PHACTR3: variants seen among roughly 807,000 people sequenced by gnomAD.
The protein encoded by PHACTR3 is phosphatase and actin regulator 3.
A neutral mutation model predicts 66.8 loss-of-function variants in PHACTR3; 16 were observed. That is an observed-to-expected ratio of 0.24 (90% CI 0.16 to 0.36). The LOEUF is 0.36. PHACTR3 is among the 10% of genes least tolerant of loss of function. The pLI is 1.00. For missense variants in PHACTR3, 647 were observed against 719.9 expected (o/e 0.90, Z 1.16); for synonymous variants, 323 against 292.1 (o/e 1.11, Z -1.08).
At chr20:59,747,159 G>A (rs923134388) in intron 2 of PHACTR3, among the ~76,000 whole-genome samples, 3 of 152,346 alleles carry the variant, frequency 2.0e-5, no homozygotes, top group African/African-American at 7.2e-5. Flanking sequence ...TTCTGAAGGC[G>A]GAATTGACAA....
intron 1 of PHACTR3, chr20:59,627,079 G>A (rs1004638983): frequency 6.6e-6 from 1 of 152,270 alleles, no homozygotes; most frequent in African/African-American, 2.4e-5. Flanking sequence ...AAGCATCAAA[G>A]TGCAGCCAGG....
intron 5 of PHACTR3, among the ~76,000 whole-genome samples, chr20:59,771,698 C>T (rs981726240): frequency 6.6e-6 from 1 of 152,216 alleles, no homozygotes; most frequent in African/African-American, 2.4e-5. Flanking sequence ...TGTCTGTCTC[C>T]ACCAGCTGAC....
chr20:59,660,176 G>A (rs1210119825), intron 1 of PHACTR3, among the ~76,000 whole-genome samples: 4 of 152,138 alleles, frequency 2.6e-5, no homozygotes, highest in Non-Finnish European at 4.4e-5. Context: ...AGGAAGACCT[G>A]TACAAAACAG....
At chr20:59,644,445 C>G (rs766252835) in intron 1 of PHACTR3, among the ~76,000 whole-genome samples, 2 of 152,174 alleles carry the variant, frequency 1.3e-5, no homozygotes, top group Non-Finnish European at 2.9e-5. Context: ...TGGTCCTTGT[C>G]CTCCCTCATT....
intron 1 of PHACTR3, among the ~76,000 whole-genome samples, chr20:59,618,396 C>G (rs1332967422): frequency 1.3e-5 from 2 of 152,180 alleles, no homozygotes; most frequent in African/African-American, 4.8e-5. Context: ...TCCAAGCCGT[C>G]ACTCTGGCTG....
chr20:59,822,741 C>T (rs1054241259), intron 8 of PHACTR3, among the ~76,000 whole-genome samples: 3 of 152,162 alleles, frequency 2.0e-5, no homozygotes, highest in Non-Finnish European at 2.9e-5. Flanking sequence ...GTGGCTCGGG[C>T]CCCGTGCTGG....
intron 1 of PHACTR3, among the ~76,000 whole-genome samples, chr20:59,705,351 T>C (rs1321438306): frequency 2.0e-5 from 3 of 152,222 alleles, no homozygotes; most frequent in African/African-American, 7.2e-5. Flanking sequence ...GTTTTATTTC[T>C]ATGTGTTTAA....
At chr20:59,800,467 T>G (rs1453983198) in intron 7 of PHACTR3, among the ~76,000 whole-genome samples, 1 of 152,236 alleles carries the variant, frequency 6.6e-6, no homozygotes, top group African/African-American at 2.4e-5. Context: ...TTTCATTACT[T>G]TGTAATTGTT....
chr20:59,643,734 T>C (rs529587362), intron 1 of PHACTR3, among the ~76,000 whole-genome samples: 49 of 152,270 alleles, frequency 3.2e-4, no homozygotes, highest in Non-Finnish European at 6.2e-4. Context: ...AGCCCCTCTG[T>C]GTGGAGTGTT....
intron 8 of PHACTR3, among the ~76,000 whole-genome samples, chr20:59,815,471 C>T: frequency 7.0e-6 from 1 of 142,408 alleles, no homozygotes; most frequent in Non-Finnish European, 1.5e-5. Context: ...TGTCTCCAGG[C>T]TGGAGTGCAG....
intron 7 of PHACTR3, among the ~76,000 whole-genome samples, chr20:59,786,502 G>C (rs73305200): frequency 0.034 from 5,134 of 152,292 alleles, 288 homozygotes; most frequent in African/African-American, 0.12. Flanking sequence ...TGGGGGCAGA[G>C]CCATCAAGGA....
intron 3 of PHACTR3, among the ~76,000 whole-genome samples, chr20:59,751,516 C>G (rs1651532865): frequency 6.6e-6 from 1 of 152,156 alleles, no homozygotes; most frequent in Non-Finnish European, 1.5e-5. Flanking sequence ...GGAGCTTGCC[C>G]TGAAGCAGGT....
At chr20:59,733,430 G>A (rs971111310) in intron 1 of PHACTR3, among the ~76,000 whole-genome samples, 1 of 152,160 alleles carries the variant, frequency 6.6e-6, no homozygotes, top group Non-Finnish European at 1.5e-5. Flanking sequence ...ATCTCTTGCA[G>A]CCTGGCCACA....
At chr20:59,592,542 A>C (rs1331704751) in intron 1 of PHACTR3, among the ~76,000 whole-genome samples, 1 of 152,110 alleles carries the variant, frequency 6.6e-6, no homozygotes, top group Non-Finnish European at 1.5e-5. Context: ...CATTTTTTTA[A>C]AGACAAAATG....
At chr20:59,615,417 C>A (rs2033993216) in intron 1 of PHACTR3, among the ~76,000 whole-genome samples, 1 of 152,212 alleles carries the variant, frequency 6.6e-6, no homozygotes, top group South Asian at 2.1e-4. Context: ...GGGCATCGTG[C>A]ATCCGGGAAG....
intron 8 of PHACTR3, among the ~76,000 whole-genome samples, chr20:59,832,760 T>C (rs2042421032): frequency 6.6e-6 from 1 of 152,138 alleles, no homozygotes; most frequent in Non-Finnish European, 1.5e-5. Flanking sequence ...CCATGCGATC[T>C]AAACGACCCC....
intron 8 of PHACTR3, among the ~76,000 whole-genome samples, chr20:59,828,097 T>C (rs2042246654): frequency 6.6e-6 from 1 of 152,054 alleles, no homozygotes; most frequent in Non-Finnish European, 1.5e-5. Flanking sequence ...CTCATGAGAG[T>C]CCGAAGCCTG....
intron 1 of PHACTR3, among the ~76,000 whole-genome samples, chr20:59,641,719 A>G (rs1468477162): frequency 6.6e-6 from 1 of 152,188 alleles, no homozygotes; most frequent in Non-Finnish European, 1.5e-5. Context: ...TCCCATGCAT[A>G]TCTATAGATT....
chr20:59,685,181 A>C (rs1356562061), intron 1 of PHACTR3, among the ~76,000 whole-genome samples: 1 of 152,158 alleles, frequency 6.6e-6, no homozygotes, highest in Non-Finnish European at 1.5e-5. Flanking sequence ...TCTGCCCTGC[A>C]GTGCTGTGGC....
Sources: gnomAD v4.1 joint callset for allele counts (sites outside exome capture counted in the v4.1 genomes callset) on GRCh38, gnomAD v4.1.1 for gene constraint, MANE v1.5 for transcripts, NCBI Gene and HGNC (gene_info 2026-07-23, HGNC 2026-07-21) for gene names.